DNAJC3: variants seen among roughly 807,000 people sequenced by gnomAD.
DNAJC3 encodes the protein dnaJ homolog subfamily C member 3.
Under a neutral mutation model 68.6 loss-of-function variants are expected in DNAJC3, and 38 were observed. The ratio of observed to expected loss-of-function variants is 0.55; its 90% CI spans 0.43 to 0.73. The LOEUF is 0.73. Among genes scored for constraint, DNAJC3 ranks in the 30% least tolerant of loss-of-function variants. DNAJC3 has a pLI of 0.00. For synonymous variants in DNAJC3, 203 were observed against 204.0 expected (o/e 1.00, Z 0.04); for missense variants, 526 against 591.9 (o/e 0.89, Z 1.16).
In DNAJC3 at chr13:95,731,043, G is replaced by C. The variant is rs79844863; in HGVS notation, c.393+5791G>C. Among the ~76,000 whole-genome samples, 5 of 151,630 alleles carry C rather than the reference G, an allele frequency of 3.3e-5. No individual in the cohort carries two copies. In the East Asian group the frequency reaches 9.7e-4, roughly 29 times the overall value. On this transcript the variant is annotated intron_variant, in intron 4 of 11. Coordinates refer to ENST00000602402, the MANE Select transcript of DNAJC3 (RefSeq NM_006260.5). ...AATTCCTTGGTTAAATTTTTTCCTGGGTATTTTATTTTTATTATTGCTGTT... is the reference window on the plus strand; with the variant it reads ...AATTCCTTGGTTAAATTTTTTCCTGCGTATTTTATTTTTATTATTGCTGTT...
intron 9 of DNAJC3, among the ~76,000 whole-genome samples, chr13:95,771,326 G>A (rs771922512): frequency 6.6e-6 from 1 of 152,192 alleles, no homozygotes; most frequent in Non-Finnish European, 1.5e-5. Context: ...GTTAAAGACA[G>A]TAAGTCAGAC....
At chr13:95,711,044 G>A (rs550271573) in intron 2 of DNAJC3, among the ~76,000 whole-genome samples, 1 of 152,044 alleles carries the variant, frequency 6.6e-6, no homozygotes, top group Non-Finnish European at 1.5e-5. Flanking sequence ...TCATCCTATT[G>A]TTGTAATTTA....
At chr13:95,743,796 T>C (rs374020089) in intron 4 of DNAJC3, among the ~76,000 whole-genome samples, 8 of 152,272 alleles carry the variant, frequency 5.3e-5, no homozygotes, top group African/African-American at 1.7e-4. Context: ...TGACCTCAAA[T>C]GATCCACCCA....
intron 1 of DNAJC3, among the ~76,000 whole-genome samples, chr13:95,691,567 C>G (rs988132486): frequency 6.6e-6 from 1 of 151,486 alleles, no homozygotes; most frequent in African/African-American, 2.4e-5. Context: ...CCTCACTTTC[C>G]AGACTAGGCA....
At chr13:95,678,532 T>A (rs1166791662) in intron 1 of DNAJC3, among the ~76,000 whole-genome samples, 3 of 152,116 alleles carry the variant, frequency 2.0e-5, no homozygotes, top group Non-Finnish European at 4.4e-5. Context: ...CCCAGAAAAA[T>A]CTAGGGGATT....
In DNAJC3 at chr13:95,793,482, C is replaced by CTTTTTTTTTTTT. The variant is rs1002199198; in HGVS notation, c.*2466_*2477dup. ...TTGGGGACTACAGGTGCCAGGTAACCTTTTTTTTTTTTTTTTTTTTTTTTT... is the reference window on the plus strand; with the variant it reads ...TTGGGGACTACAGGTGCCAGGTAACCTTTTTTTTTTTTTTTTTTTTTTTTTTTTTTTTTTTTT... On this transcript the variant is annotated 3_prime_UTR_variant, in exon 12 of 12. Coordinates refer to ENST00000602402, the MANE Select transcript of DNAJC3 (RefSeq NM_006260.5). 2 of 96,222 alleles carry CTTTTTTTTTTTT rather than the reference C, an allele frequency of 2.1e-5. No homozygotes were observed. The highest frequency in any genetic ancestry group is 8.5e-5 in the African/African-American group (2 of 23,534). The allele number at this position is 96,222 out of a possible 1,614,324, so 6.0% of individuals were successfully genotyped here.
At chr13:95,682,138 GT>G (rs1879930747) in intron 1 of DNAJC3, among the ~76,000 whole-genome samples, 5 of 152,164 alleles carry the variant, frequency 3.3e-5, no homozygotes. Context: ...TCAGATAATA[GT>G]AGATGCTGAA....
intron 9 of DNAJC3, among the ~76,000 whole-genome samples, chr13:95,776,638 G>T (rs754784353): frequency 7.4e-4 from 112 of 152,146 alleles, no homozygotes; most frequent in Non-Finnish European, 1.2e-3. Flanking sequence ...AGGAAAGTTT[G>T]TATTTTTGTA....
intron 4 of DNAJC3, among the ~76,000 whole-genome samples, chr13:95,749,388 G>A (rs920399664): frequency 1.3e-5 from 2 of 152,178 alleles, no homozygotes; most frequent in Non-Finnish European, 2.9e-5. Flanking sequence ...ATTCAAATGT[G>A]TTTTCTTATC....
At chr13:95,760,256 T>A (rs1237067256) in intron 6 of DNAJC3, 35 bp downstream of exon 6, 1 of 1,455,392 alleles carries the variant, frequency 6.9e-7, no homozygotes, top group Non-Finnish European at 9.1e-7. Context: ...TGATCTTTTT[T>A]AATTGTTGGC....
At chr13:95,736,899 A>G (rs918883598) in intron 4 of DNAJC3, among the ~76,000 whole-genome samples, 11 of 149,392 alleles carry the variant, frequency 7.4e-5, no homozygotes, top group South Asian at 2.1e-4. Flanking sequence ...GTCTTGTGCC[A>G]GTTTTCAAAG....
At chr13:95,737,560 G>C (rs1175337997) in intron 4 of DNAJC3, among the ~76,000 whole-genome samples, 2,013 of 151,214 alleles carry the variant, frequency 0.013, 46 homozygotes, top group African/African-American at 0.047. Flanking sequence ...GAGAGTGTAT[G>C]TGTCCAGGAA....
At position 95,760,145 on chromosome 13, in the gene DNAJC3, A is replaced by G; in HGVS notation, c.652A>G (p.Lys218Glu). 1.2e-6 allele frequency: 2 copies of G among 1,613,116 alleles called. No individual in the cohort carries two copies. The highest frequency in any genetic ancestry group is 1.1e-5 in the South Asian group (1 of 90,962). Residue 218 changes from lysine to glutamate, a missense_variant, in exon 6 of 12, where the codon AAG becomes GAG. Coordinates refer to ENST00000602402, the MANE Select transcript of DNAJC3 (RefSeq NM_006260.5). ...ISDLKAASKLKNDNTEAFYKI... is the reference protein window; with the variant it reads ...ISDLKAASKLENDNTEAFYKI... The stretch of plus-strand genomic sequence containing the variant: ...TGACTTAAAAGCTGCGTCAAAGTTG[A>G]AGAATGATAATACTGAAGCGTTTTA...
At chr13:95,686,894 G>A (rs1880087559) in intron 1 of DNAJC3, among the ~76,000 whole-genome samples, 1 of 152,104 alleles carries the variant, frequency 6.6e-6, no homozygotes, top group South Asian at 2.1e-4. Flanking sequence ...CTTTAGAATT[G>A]TTTTTCCTAG....
At chr13:95,790,242 A>AG (rs1386688818) in intron 11 of DNAJC3, among the ~76,000 whole-genome samples, 1 of 152,200 alleles carries the variant, frequency 6.6e-6, no homozygotes, top group African/African-American at 2.4e-5. Context: ...AATGACTCTG[A>AG]GGACATGAGC....
chr13:95,740,638 C>T (rs1358309896), intron 4 of DNAJC3, among the ~76,000 whole-genome samples: 46 of 151,418 alleles, frequency 3.0e-4, no homozygotes, highest in African/African-American at 1.1e-3. Context: ...CTTGCACTTC[C>T]CAAGTGAGGC....
chr13:95,683,395 A>G (rs1381556145), intron 1 of DNAJC3, among the ~76,000 whole-genome samples: 1 of 152,078 alleles, frequency 6.6e-6, no homozygotes, highest in Non-Finnish European at 1.5e-5. Flanking sequence ...GGTGGTTTCT[A>G]ATGGTTTAGC....
intron 2 of DNAJC3, among the ~76,000 whole-genome samples, chr13:95,717,658 C>A (rs1193218741): frequency 6.6e-6 from 1 of 152,054 alleles, no homozygotes; most frequent in African/African-American, 2.4e-5. Context: ...GGGGATGGTT[C>A]CCCCCATACT....
chr13:95,741,382 T>C (rs142996259), intron 4 of DNAJC3, among the ~76,000 whole-genome samples: 231 of 152,332 alleles, frequency 1.5e-3, no homozygotes, highest in Non-Finnish European at 2.7e-3. Context: ...GCAGTTGTTA[T>C]TGGAAGCTGT....
Sources: allele counts gnomAD v4.1 joint callset (sites outside exome capture counted in the v4.1 genomes callset), GRCh38; gene constraint gnomAD v4.1.1; transcripts MANE v1.5; gene names NCBI Gene and HGNC (gene_info 2026-07-23, HGNC 2026-07-21).